The following PRP4K variants were observed in gnomAD, a reference collection of about 807,000 sequenced individuals.
The protein encoded by PRP4K is pre-mRNA processing factor kinase PRP4K.
the PRP4K span, among the ~76,000 whole-genome samples, chr6:4,045,217 T>A: frequency 6.6e-6 from 1 of 152,136 alleles, no homozygotes; most frequent in South Asian, 2.1e-4. Flanking sequence ...GCACTGAAAT[T>A]TGAATTTCAT....
chr6:4,044,866 T>TTATTATTA, the PRP4K span, among the ~76,000 whole-genome samples: 2 of 124,586 alleles, frequency 1.6e-5, no homozygotes, highest in Admixed American at 1.7e-4. Context: ...TATTATTATT[T>TTATTATTA]TTTTTTTTTT....
chr6:4,033,146 G>A, the PRP4K span, among the ~76,000 whole-genome samples: 5 of 152,150 alleles, frequency 3.3e-5, no homozygotes, highest in Admixed American at 2.0e-4. Context: ...TGAAAAGGGG[G>A]AAAGGTAATC....
chr6:4,062,431 A>G, the PRP4K span: 4,682 of 152,776 alleles, frequency 0.031, 251 homozygotes, highest in East Asian at 0.14. This position sits in a 1 kb window ranked among gnomAD's most constrained non-coding sequence, Gnocchi z 4.2. Flanking sequence ...TCAGAAATAT[A>G]TGTAATCTTT....
At chr6:4,031,176 A>T in the PRP4K span, among the ~76,000 whole-genome samples, 1 of 152,198 alleles carries the variant, frequency 6.6e-6, no homozygotes, top group Non-Finnish European at 1.5e-5. Flanking sequence ...TTGGTTGTTA[A>T]TGTGTGAGAA....
chr6:4,049,766 C>T, the PRP4K span: 6 of 1,613,196 alleles, frequency 3.7e-6, no homozygotes, highest in Non-Finnish European at 5.1e-6. Context: ...ATAAACGTTA[C>T]AATGTGTATG....
the PRP4K span, chr6:4,031,496 C>T: frequency 3.2e-6 from 4 of 1,257,118 alleles, no homozygotes; most frequent in Middle Eastern, 2.4e-4. Flanking sequence ...CTGTTATTTT[C>T]TTATGGCTCT....
the PRP4K span, chr6:4,043,681 A>G: frequency 2.3e-6 from 2 of 864,830 alleles, no homozygotes; most frequent in South Asian, 1.7e-5. Context: ...GATTGAACCA[A>G]TAAATACCAT....
the PRP4K span, chr6:4,047,233 T>C: frequency 6.2e-7 from 1 of 1,611,694 alleles, no homozygotes; most frequent in East Asian, 2.2e-5. Flanking sequence ...ATGATATGTT[T>C]GCTGCGTATT....
the PRP4K span, among the ~76,000 whole-genome samples, chr6:4,024,642 G>C: frequency 3.9e-4 from 60 of 152,230 alleles, 1 homozygote; most frequent in South Asian, 0.01. Context: ...AGTCTCTGTT[G>C]CCCAGGCTGG....
chr6:4,048,666 C>G, the PRP4K span, among the ~76,000 whole-genome samples: 4 of 151,998 alleles, frequency 2.6e-5, no homozygotes, highest in East Asian at 1.9e-4. Flanking sequence ...TTCCTGAGCT[C>G]AAGCGATCTT....
the PRP4K span, chr6:4,057,201 A>G: frequency 1.2e-6 from 2 of 1,605,224 alleles, no homozygotes; most frequent in Middle Eastern, 1.7e-4. Flanking sequence ...AGACATTAGC[A>G]TGAGCTTCTT....
chr6:4,026,063 G>A, the PRP4K span, among the ~76,000 whole-genome samples: 1 of 152,308 alleles, frequency 6.6e-6, no homozygotes, highest in Non-Finnish European at 1.5e-5. Flanking sequence ...GTGCAATGGT[G>A]TGATCTCAGC....
At chr6:4,052,059 C>T in the PRP4K span, 1 of 1,600,950 alleles carries the variant, frequency 6.2e-7, no homozygotes, top group Non-Finnish European at 8.5e-7. Flanking sequence ...ACTTCTATCA[C>T]AAGCAGCATC....
chr6:4,029,012 CTTT>C, the PRP4K span, among the ~76,000 whole-genome samples: 14 of 132,484 alleles, frequency 1.1e-4, no homozygotes, highest in African/African-American at 3.1e-4. Context: ...TACTTGGAAT[CTTT>C]TTTTTTTTTT....
chr6:4,032,330 A>G, the PRP4K span: 1 of 1,613,918 alleles, frequency 6.2e-7, no homozygotes, highest in Non-Finnish European at 8.5e-7. Flanking sequence ...AAAGTAAATC[A>G]AAAGATAGGA....
At chr6:4,032,359 A>G in the PRP4K span, 1 of 1,614,074 alleles carries the variant, frequency 6.2e-7, no homozygotes, top group South Asian at 1.1e-5. Context: ...CCAATTATAA[A>G]TGAAAGTAGA....
the PRP4K span, chr6:4,060,648 A>G: frequency 3.2e-6 from 5 of 1,574,578 alleles, no homozygotes; most frequent in Middle Eastern, 1.7e-4. This position sits in a 1 kb window ranked among gnomAD's most constrained non-coding sequence, Gnocchi z 4.7. Context: ...GGTTTGAGTA[A>G]ATACAAAGAC....
At chr6:4,035,961 A>G in the PRP4K span, among the ~76,000 whole-genome samples, 2 of 152,104 alleles carry the variant, frequency 1.3e-5, no homozygotes, top group Non-Finnish European at 2.9e-5. Context: ...GCAAAACTCC[A>G]TCTCAAAAAA....
the PRP4K span, among the ~76,000 whole-genome samples, chr6:4,025,627 T>C: frequency 6.6e-6 from 1 of 152,246 alleles, no homozygotes; most frequent in African/African-American, 2.4e-5. Context: ...CTCATGGGAA[T>C]GACCCTTCTA....
Sources: allele counts gnomAD v4.1 joint callset (sites outside exome capture counted in the v4.1 genomes callset), GRCh38; gene constraint gnomAD v4.1.1; non-coding constraint Gnocchi (gnomAD v3.1); transcripts MANE v1.5; gene names NCBI Gene and HGNC (gene_info 2026-07-23, HGNC 2026-07-21).